The following PSME4 variants were observed in gnomAD, a reference collection of about 807,000 sequenced individuals.
The protein encoded by PSME4 is proteasome activator complex subunit 4.
Under a neutral mutation model 253.9 loss-of-function variants are expected in PSME4, and 89 were observed. The ratio of observed to expected loss-of-function variants is 0.35; its 90% CI spans 0.30 to 0.42. PSME4 has a LOEUF of 0.42. PSME4 is among the 10% of genes least tolerant of loss of function. PSME4 has a pLI of 1.00. For synonymous variants in PSME4, 851 were observed against 759.2 expected (o/e 1.12, Z -1.99); for missense variants, 2,014 against 2,195.2 (o/e 0.92, Z 1.65).
At chr2:53,910,027 C>G in intron 21 of PSME4, 48 bp downstream of exon 21, 1 of 1,422,916 alleles carries the variant, frequency 7.0e-7, no homozygotes, top group South Asian at 1.1e-5. Flanking sequence ...TGTGGAGTTA[C>G]TGACAAAAAT....
chr2:53,888,192 C>T, intron 38 of PSME4: 1 of 420,670 alleles, frequency 2.4e-6, no homozygotes, highest in Non-Finnish European at 4.0e-6. Context: ...GCATTTCATC[C>T]ACACTACTAG....
chr2:53,868,526 TATATAATATATATTATAAATATATTTATA>T (rs1432283549), intron 44 of PSME4, among the ~76,000 whole-genome samples: 8,284 of 69,150 alleles, frequency 0.12, 499 homozygotes, highest in East Asian at 0.48. Flanking sequence ...ATTTATAATA[TATATAATATATATTATAAATATATTTATA>T]ATATATATAA....
chr2:53,887,218 AG>A, intron 40 of PSME4, 40 bp downstream of exon 40: 1 of 1,514,720 alleles, frequency 6.6e-7, no homozygotes, highest in Non-Finnish European at 9.2e-7. Context: ...ATAATCAAAT[AG>A]ATGTTTTCAA....
In PSME4 at chr2:53,887,802, T is replaced by A. The variant is rs13388442; in HGVS notation, c.4520+56A>T. 2.7e-3 allele frequency: 3,878 copies of A among 1,435,100 alleles called. 84 individuals carry two copies. The African/African-American group carries it at 0.049, about 18-fold the overall frequency. 88.9% of individuals were successfully genotyped at this position (1,435,100 alleles called of 1,614,324 possible). A position where few individuals can be genotyped will look rare whatever the true frequency, so the allele number is the denominator to read the frequency against. ...GCATGTATTATTACCTATTACAATT[T>A]AAAAAAAAACAAACAAAGAACTCGA... On this transcript the variant is annotated intron_variant, in intron 39 of 46. Transcript: ENST00000404125.
chr2:53,970,761 T>C lies in PSME4; in HGVS notation c.24A>G (p.Gly8=). 2 of 1,542,272 alleles carry C rather than the reference T, an allele frequency of 1.3e-6. No homozygotes were observed. Among genetic ancestry groups the C allele is most frequent in the Non-Finnish European group, 1.7e-6 (2 of 1,144,396 alleles). Residue 8 remains glycine (G), a synonymous_variant, in exon 1 of 47, where the codon GGA becomes GGG. Coordinates refer to ENST00000404125, the MANE Select transcript of PSME4 (RefSeq NM_014614.3). Reference sequence around the variant, plus strand: ...CGCCCGGCTCCGGGGGCTCTCCGACTCCCGCCCGCTCGGCCGGCTCCATGA... The same window carrying C: ...CGCCCGGCTCCGGGGGCTCTCCGACCCCCGCCCGCTCGGCCGGCTCCATGA... The part of the protein sequence containing the change: MEPAERA[G]VGEPPEPGGR...
chr2:53,903,960 G>T (rs1230808288), intron 27 of PSME4, 65 bp downstream of exon 27: 8 of 1,383,250 alleles, frequency 5.8e-6, no homozygotes, highest in African/African-American at 2.9e-5. Flanking sequence ...GTTTACCGTA[G>T]AATTTTTTCA....
chr2:53,892,242 C>G (rs1432609612), intron 36 of PSME4, among the ~76,000 whole-genome samples: 1 of 152,146 alleles, frequency 6.6e-6, no homozygotes, highest in Non-Finnish European at 1.5e-5. Flanking sequence ...ACCTTATGCT[C>G]AGGTGGTCCT....
chr2:53,952,475 G>A (rs1670044983), intron 1 of PSME4, among the ~76,000 whole-genome samples: 1 of 152,162 alleles, frequency 6.6e-6, no homozygotes, highest in African/African-American at 2.4e-5. Context: ...CTGGGAGGCG[G>A]AGGTTGCAGC....
intron 20 of PSME4, among the ~76,000 whole-genome samples, chr2:53,916,368 T>A (rs1480770952): frequency 6.6e-6 from 1 of 152,174 alleles, no homozygotes; most frequent in South Asian, 2.1e-4. Flanking sequence ...ACAATAGATA[T>A]TTTCCTCAGA....
rs373886985 is a variant in PSME4, at chr2:53,938,021, T to C, written c.546-481A>G. On this transcript the variant is annotated intron_variant, in intron 4 of 46. Transcript: ENST00000404125. ...AAAAAAAAAAAATTCCCCATCATACTTGGGATAAAGTAAATTCTTCTCTTG... is the reference window on the plus strand; with the variant it reads ...AAAAAAAAAAAATTCCCCATCATACCTGGGATAAAGTAAATTCTTCTCTTG... Among the ~76,000 whole-genome samples, 4 of 151,988 alleles carry C rather than the reference T, an allele frequency of 2.6e-5. No homozygotes were observed. The East Asian group carries it at 7.7e-4, about 29-fold the overall frequency.
intron 27 of PSME4, among the ~76,000 whole-genome samples, chr2:53,901,800 T>C (rs1477064837): frequency 6.6e-6 from 1 of 152,354 alleles, no homozygotes; most frequent in East Asian, 1.9e-4. Flanking sequence ...ACAGGTGAGG[T>C]GGCTCACGCC....
intron 1 of PSME4, among the ~76,000 whole-genome samples, chr2:53,953,487 T>TAAA (rs67192995): frequency 1.6e-5 from 2 of 122,998 alleles, no homozygotes; most frequent in Non-Finnish European, 3.4e-5. Context: ...CCATGTCTAT[T>TAAA]AAAAAAAAAA....
chr2:53,945,299 G>C (rs1304080216), intron 3 of PSME4, among the ~76,000 whole-genome samples: 1 of 152,100 alleles, frequency 6.6e-6, no homozygotes, highest in Non-Finnish European at 1.5e-5. Flanking sequence ...AGATTCAAAA[G>C]CTTCATTTAT....
chr2:53,915,270 A>G (rs1420232397), intron 20 of PSME4, among the ~76,000 whole-genome samples: 1 of 151,844 alleles, frequency 6.6e-6, no homozygotes, highest in African/African-American at 2.4e-5. Context: ...GCGAAATCCT[A>G]TCTCCACAAA....
At position 53,922,562 on chromosome 2, in the gene PSME4, T is replaced by C. The variant is rs1426259744; in HGVS notation, c.2001A>G (p.Glu667=). ...TCCATAGTAATTCCTTGTCTAGCTC[T>C]TCATCATTTAATACATCATCATCTA... is the stretch of plus-strand genomic sequence containing the variant. ...LTMNDDVLND[E]ELDKELLWNL... The change falls in exon 17 of 47, where the codon GAA becomes GAG. Residue 667 remains glutamate (E), a synonymous_variant. Coordinates refer to ENST00000404125, the MANE Select transcript of PSME4 (RefSeq NM_014614.3). 3 of 1,612,830 alleles carry C rather than the reference T, an allele frequency of 1.9e-6. No individual in the cohort carries two copies. Among genetic ancestry groups the C allele is most frequent in the Non-Finnish European group, 8.5e-7 (1 of 1,179,596 alleles).
chr2:53,953,572 G>A (rs1368568345), intron 1 of PSME4, among the ~76,000 whole-genome samples: 1 of 148,538 alleles, frequency 6.7e-6, no homozygotes, highest in Non-Finnish European at 1.5e-5. Flanking sequence ...AAAATCCTAG[G>A]AATATTAAAT....
At chr2:53,931,753 G>T in intron 10 of PSME4, 82 bp downstream of exon 10, 1 of 1,438,434 alleles carries the variant, frequency 7.0e-7, no homozygotes, top group Non-Finnish European at 9.4e-7. Context: ...CAAAACAGAA[G>T]CCACAGAGGA....
At chr2:53,945,879 T>C (rs1187610422) in intron 3 of PSME4, among the ~76,000 whole-genome samples, 1 of 152,170 alleles carries the variant, frequency 6.6e-6, no homozygotes, top group Non-Finnish European at 1.5e-5. Flanking sequence ...ATAGGTAGGT[T>C]ATATGATTTA....
chr2:53,915,696 A>C (rs1277030229), intron 20 of PSME4, among the ~76,000 whole-genome samples: 1 of 151,946 alleles, frequency 6.6e-6, no homozygotes, highest in Non-Finnish European at 1.5e-5. Context: ...GGCAATCTTA[A>C]TACTAAGTAA....
Sources: allele counts gnomAD v4.1 joint callset (sites outside exome capture counted in the v4.1 genomes callset), GRCh38; gene constraint gnomAD v4.1.1; transcripts MANE v1.5; gene names NCBI Gene and HGNC (gene_info 2026-07-23, HGNC 2026-07-21).